CBLB: variants seen among roughly 807,000 people sequenced by gnomAD.
CBLB encodes the protein Cbl proto-oncogene B, also known as E3 ubiquitin-protein ligase CBL-B.
Under a neutral mutation model 104.9 loss-of-function variants are expected in CBLB, and 31 were observed. That is an observed-to-expected ratio of 0.30 (90% CI 0.22 to 0.40). The LOEUF (loss-of-function observed/expected upper bound fraction) is 0.40. Among genes scored for constraint, CBLB ranks in the 10% least tolerant of loss-of-function variants. The pLI, the probability that CBLB is intolerant of heterozygous loss-of-function variation, is 1.00. For missense variants in CBLB, 1,062 were observed against 1,214.6 expected (o/e 0.87, Z 1.87); for synonymous variants, 440 against 422.6 (o/e 1.04, Z -0.51).
intron 3 of CBLB, among the ~76,000 whole-genome samples, chr3:105,843,006 A>G (rs2153099961): frequency 6.6e-6 from 1 of 152,326 alleles, no homozygotes; most frequent in South Asian, 2.1e-4. Flanking sequence ...CCAATGGTCA[A>G]ATTTGGTCTG....
rs532341803 is a variant in CBLB at position 105,737,432 on chromosome 3, C to G, written c.984-174G>C. On this transcript the variant is annotated intron_variant, in intron 7 of 18. Coordinates refer to ENST00000394030, the MANE Select transcript of CBLB (RefSeq NM_170662.5). ...AAATTACTATGTTGTTTTTAGGACA[C>G]TTAAAATGTAGAATTTTCATATAAG... is the stretch of plus-strand genomic sequence containing the variant. Among the ~76,000 whole-genome samples, 20 of 152,116 alleles carry G rather than the reference C, an allele frequency of 1.3e-4. No homozygotes were observed. The East Asian group carries it at 3.9e-3, about 29-fold the overall frequency.
intron 12 of CBLB, among the ~76,000 whole-genome samples, chr3:105,694,219 T>C (rs1306069989): frequency 1.3e-5 from 2 of 151,878 alleles, no homozygotes; most frequent in East Asian, 3.8e-4. Flanking sequence ...TATGGGACCA[T>C]CCAAAGCCAG....
intron 4 of CBLB, among the ~76,000 whole-genome samples, chr3:105,773,112 A>C (rs1296340665): frequency 1.3e-5 from 2 of 152,238 alleles, no homozygotes; most frequent in Non-Finnish European, 2.9e-5. Flanking sequence ...CATAATTTGC[A>C]ATTGCAATGA....
chr3:105,757,017 CAT>C (rs2077145568), intron 4 of CBLB, among the ~76,000 whole-genome samples: 1 of 152,168 alleles, frequency 6.6e-6, no homozygotes, highest in Admixed American at 6.5e-5. Context: ...GCTCTCACCA[CAT>C]GTGACATGCA....
intron 8 of CBLB, among the ~76,000 whole-genome samples, chr3:105,735,719 G>A (rs112197862): frequency 6.6e-6 from 1 of 152,292 alleles, no homozygotes; most frequent in East Asian, 1.9e-4. Context: ...GGGAGGGCGA[G>A]GCGGGTGGAT....
chr3:105,769,512 C>T (rs1221197346), intron 4 of CBLB, among the ~76,000 whole-genome samples: 1 of 152,132 alleles, frequency 6.6e-6, no homozygotes, highest in Non-Finnish European at 1.5e-5. Context: ...TACCTGGCAG[C>T]ACAGAGTAGG....
At chr3:105,741,158 T>C (rs1461833153) in intron 6 of CBLB, among the ~76,000 whole-genome samples, 1 of 138,328 alleles carries the variant, frequency 7.2e-6, no homozygotes, top group Non-Finnish European at 1.5e-5. Context: ...TAGAATTCGA[T>C]ATATTCCTTT....
At chr3:105,716,192 T>C (rs531354020) in intron 10 of CBLB, among the ~76,000 whole-genome samples, 1 of 152,366 alleles carries the variant, frequency 6.6e-6, no homozygotes, top group East Asian at 1.9e-4. Flanking sequence ...ATGTGACATT[T>C]GTTTATAACC....
At chr3:105,811,842 T>C (rs1219431761) in intron 3 of CBLB, among the ~76,000 whole-genome samples, 1 of 152,098 alleles carries the variant, frequency 6.6e-6, no homozygotes, top group Non-Finnish European at 1.5e-5. Flanking sequence ...CCCAAGTAGC[T>C]GGGATTACAG....
chr3:105,827,818 A>G (rs2086821116), intron 3 of CBLB, among the ~76,000 whole-genome samples: 1 of 152,212 alleles, frequency 6.6e-6, no homozygotes, highest in Non-Finnish European at 1.5e-5. Context: ...GCATGAATCC[A>G]GTGGTTGCTC....
intron 3 of CBLB, among the ~76,000 whole-genome samples, chr3:105,831,003 T>C (rs926340675): frequency 2.6e-5 from 4 of 152,208 alleles, no homozygotes; most frequent in African/African-American, 9.7e-5. Context: ...ATATCCAAAA[T>C]GCAAAACCTT....
At chr3:105,727,720 T>C (rs1443901045) in intron 9 of CBLB, among the ~76,000 whole-genome samples, 1 of 152,194 alleles carries the variant, frequency 6.6e-6, no homozygotes, top group Admixed American at 6.5e-5. Flanking sequence ...AATTTTTGTA[T>C]AAGATATAAG....
intron 9 of CBLB, among the ~76,000 whole-genome samples, chr3:105,720,921 C>G (rs975326156): frequency 3.9e-5 from 6 of 152,162 alleles, no homozygotes; most frequent in African/African-American, 1.4e-4. Context: ...AAGATTTGTG[C>G]AAATACTTTT....
upstream of CBLB, chr3:105,869,136 A>G: frequency 1.3e-6 from 1 of 749,676 alleles, no homozygotes; most frequent in Non-Finnish European, 1.8e-6. Flanking sequence ...CAGCCAATGG[A>G]CGGGAGGCGC....
rs143434176 is a variant in CBLB at position 105,757,208 on chromosome 3, C to T, written c.567-5590G>A. Among the ~76,000 whole-genome samples the T allele has an allele frequency of 5.4e-3, 823 of 152,134 alleles. 8 individuals carry two copies. Among genetic ancestry groups the T allele is most frequent in the African/African-American group, 0.019 (774 of 41,496 alleles). On this transcript the variant is annotated intron_variant, in intron 4 of 18. Transcript: ENST00000394030. ...GTTTTAGCAGTGCTATAAAGAAATA[C>T]CTGAGACTGGGTAATTTATAAATAA...
chr3:105,730,038 A>C (rs946907389), intron 9 of CBLB, among the ~76,000 whole-genome samples: 2 of 152,110 alleles, frequency 1.3e-5, no homozygotes, highest in Admixed American at 6.5e-5. Context: ...TCCCACTGAG[A>C]TACAGAGACT....
chr3:105,786,075 T>C (rs887129794), intron 3 of CBLB, among the ~76,000 whole-genome samples: 1 of 102,444 alleles, frequency 9.8e-6, no homozygotes, highest in Non-Finnish European at 2.1e-5. Flanking sequence ...GGGGGGAAAG[T>C]GGGTAAAATG....
chr3:105,794,145 C>T (rs984877212), intron 3 of CBLB, among the ~76,000 whole-genome samples: 27 of 152,182 alleles, frequency 1.8e-4, no homozygotes, highest in African/African-American at 4.8e-4. Flanking sequence ...GCATAAAATT[C>T]CCGGTCATCA....
intron 12 of CBLB, among the ~76,000 whole-genome samples, chr3:105,701,348 T>C (rs1425191350): frequency 2.6e-5 from 4 of 152,202 alleles, no homozygotes; most frequent in South Asian, 2.1e-4. Context: ...AGGAGGTTCA[T>C]TTTACCTGGC....
Sources: allele counts gnomAD v4.1 joint callset (sites outside exome capture counted in the v4.1 genomes callset), GRCh38; gene constraint gnomAD v4.1.1; transcripts MANE v1.5; gene names NCBI Gene and HGNC (gene_info 2026-07-23, HGNC 2026-07-21).